EXOC6B: variants seen among roughly 807,000 people sequenced by gnomAD.
EXOC6B encodes SEC15 homolog B.
In EXOC6B, 54 loss-of-function variants were observed where a neutral mutation model predicts 113.5. The observed-to-expected ratio is 0.48, with a 90% CI of 0.38 to 0.60. EXOC6B has a LOEUF of 0.60. Ranked by LOEUF, EXOC6B falls within the 20% of genes least tolerant of loss-of-function variation. The pLI, the probability that EXOC6B is intolerant of heterozygous loss-of-function variation, is 0.00. For synonymous variants in EXOC6B, 357 were observed against 339.0 expected, an observed-to-expected ratio of 1.05 and a Z score of -0.58; for missense variants, 797 against 977.5, an observed-to-expected ratio of 0.82 and a Z score of 2.46.
chr2:72,331,813 T>C (rs1396456826), intron 20 of EXOC6B, among the ~76,000 whole-genome samples: 1 of 152,132 alleles, frequency 6.6e-6, no homozygotes, highest in Admixed American at 6.6e-5. Context: ...ATTCAAAATG[T>C]CATTTCTCTC....
chr2:72,485,618 G>T (rs911926404), intron 16 of EXOC6B, among the ~76,000 whole-genome samples: 1 of 151,994 alleles, frequency 6.6e-6, no homozygotes, highest in Non-Finnish European at 1.5e-5. Flanking sequence ...TGAAACTCCT[G>T]GTTACGAATT....
At chr2:72,341,853 T>C (rs1041002878) in intron 19 of EXOC6B, among the ~76,000 whole-genome samples, 1 of 152,122 alleles carries the variant, frequency 6.6e-6, no homozygotes, top group African/African-American at 2.4e-5. Flanking sequence ...TCACAAAACA[T>C]GTCTTAACAA....
intron 6 of EXOC6B, among the ~76,000 whole-genome samples, chr2:72,717,791 A>G (rs1679722495): frequency 6.6e-6 from 1 of 152,190 alleles, no homozygotes; most frequent in African/African-American, 2.4e-5. Flanking sequence ...GAGAACTTTA[A>G]AATATCTTAA....
intron 20 of EXOC6B, among the ~76,000 whole-genome samples, chr2:72,285,951 C>T (rs1685395925): frequency 6.6e-6 from 1 of 152,094 alleles, no homozygotes; most frequent in Admixed American, 6.5e-5. Flanking sequence ...CCACTATACA[C>T]CTATTAGAAT....
chr2:72,511,308 C>G (rs188721183), intron 11 of EXOC6B, among the ~76,000 whole-genome samples: 7 of 152,176 alleles, frequency 4.6e-5, no homozygotes, highest in Admixed American at 2.0e-4. Context: ...ATCATCTCCC[C>G]GCTCCAAACT....
intron 19 of EXOC6B, among the ~76,000 whole-genome samples, chr2:72,359,457 C>T (rs927456536): frequency 2.0e-5 from 3 of 151,958 alleles, no homozygotes; most frequent in Non-Finnish European, 4.4e-5. Context: ...ACACTAAACC[C>T]GACAATGCCT....
intron 20 of EXOC6B, among the ~76,000 whole-genome samples, chr2:72,319,014 C>T (rs1252365911): frequency 5.9e-5 from 9 of 151,590 alleles, no homozygotes. Context: ...CATTAAGAAT[C>T]AGCAATAGAT....
At chr2:72,770,932 T>C (rs6716335) in intron 1 of EXOC6B, among the ~76,000 whole-genome samples, 41,291 of 151,840 alleles carry the variant, frequency 0.27, 7,231 homozygotes, top group African/African-American at 0.5. Context: ...CATGGTAGTG[T>C]CTTCCCCCTC....
At chr2:72,447,222 T>C (rs1227773982) in intron 18 of EXOC6B, among the ~76,000 whole-genome samples, 1 of 152,240 alleles carries the variant, frequency 6.6e-6, no homozygotes, top group Non-Finnish European at 1.5e-5. Context: ...TATAAAGTTC[T>C]TCATTATTTC....
rs1047895649 is a variant in EXOC6B, at chr2:72,240,481, G to T, written c.2197-56294C>A. On this transcript the variant is annotated intron_variant, in intron 20 of 21. Transcript: ENST00000272427. ...ATGTATAGTGCTTTAACTGACTGTTGAGGAAACAAGGGAGTATACATAGGA... is the reference window on the plus strand; with the variant it reads ...ATGTATAGTGCTTTAACTGACTGTTTAGGAAACAAGGGAGTATACATAGGA... 3.3e-5 allele frequency among the ~76,000 whole-genome samples: 5 copies of T among 152,264 alleles called. No individual in the cohort carries two copies. In the East Asian group the frequency reaches 9.6e-4, roughly 29 times the overall value.
chr2:72,667,345 C>G (rs118124389), intron 6 of EXOC6B, among the ~76,000 whole-genome samples: 1 of 152,168 alleles, frequency 6.6e-6, no homozygotes, highest in South Asian at 2.1e-4. Flanking sequence ...AAACTACTAA[C>G]ATCATTTTTC....
intron 5 of EXOC6B, chr2:72,722,031 G>A (rs1680042634): frequency 6.9e-6 from 1 of 144,822 alleles, no homozygotes. Flanking sequence ...GATCTTACAA[G>A]TATAATCATA....
chr2:72,649,090 T>TAATC (rs1417508010), intron 6 of EXOC6B, among the ~76,000 whole-genome samples: 1 of 152,090 alleles, frequency 6.6e-6, no homozygotes, highest in African/African-American at 2.4e-5. Context: ...TCATGAGCTA[T>TAATC]AATCACACCA....
chr2:72,297,164 G>A lies in EXOC6B; in HGVS notation c.2196+37783C>T, dbSNP rs377165564. On this transcript the variant is annotated intron_variant, in intron 20 of 21. Transcript: ENST00000272427. ...AATATAAATTTTTAGGCAAAGGTGGGATTTCACATTTTAAATTTCATATGT... is the reference window on the plus strand; with the variant it reads ...AATATAAATTTTTAGGCAAAGGTGGAATTTCACATTTTAAATTTCATATGT... 1.2e-4 allele frequency among the ~76,000 whole-genome samples: 18 copies of A among 152,192 alleles called. No homozygotes were observed. The East Asian group carries it at 3.5e-3, about 29-fold the overall frequency.
At chr2:72,739,215 A>C (rs1681151414) in intron 2 of EXOC6B, among the ~76,000 whole-genome samples, 1 of 152,218 alleles carries the variant, frequency 6.6e-6, no homozygotes, top group Non-Finnish European at 1.5e-5. Context: ...CATCATATGA[A>C]CATCCTTGTA....
intron 20 of EXOC6B, among the ~76,000 whole-genome samples, chr2:72,329,035 C>A (rs576093263): frequency 6.6e-6 from 1 of 152,164 alleles, no homozygotes; most frequent in East Asian, 1.9e-4. Flanking sequence ...TTCAACTGAG[C>A]GCTTGGAGAG....
At chr2:72,755,786 TG>T (rs1252746844) in intron 1 of EXOC6B, among the ~76,000 whole-genome samples, 22 of 152,160 alleles carry the variant, frequency 1.4e-4, no homozygotes, top group Non-Finnish European at 4.4e-5. Context: ...GACCTGGCTC[TG>T]AAGAGAACTG....
chr2:72,650,028 C>T (rs914411253), intron 6 of EXOC6B, among the ~76,000 whole-genome samples: 3 of 152,212 alleles, frequency 2.0e-5, no homozygotes, highest in Admixed American at 6.5e-5. Flanking sequence ...AGGAACTGGG[C>T]GCGGGGCACG....
chr2:72,662,910 G>C (rs1389480471), intron 6 of EXOC6B, among the ~76,000 whole-genome samples: 1 of 152,010 alleles, frequency 6.6e-6, no homozygotes, highest in Non-Finnish European at 1.5e-5. Context: ...TTTTAGTAGA[G>C]ATAGGGTTTC....
Sources: allele counts gnomAD v4.1 joint callset (sites outside exome capture counted in the v4.1 genomes callset), GRCh38; gene constraint gnomAD v4.1.1; transcripts MANE v1.5; gene names NCBI Gene and HGNC (gene_info 2026-07-23, HGNC 2026-07-21).